PDE4D: variants seen among roughly 807,000 people sequenced by gnomAD.
PDE4D encodes phosphodiesterase 4D.
In PDE4D, 24 loss-of-function variants were observed where a neutral mutation model predicts 87.4. That is an observed-to-expected ratio of 0.27 (90% CI 0.20 to 0.39). PDE4D has a LOEUF of 0.39. PDE4D is among the 10% of genes least tolerant of loss of function. PDE4D has a pLI of 1.00. For synonymous variants in PDE4D, 384 were observed against 383.2 expected, an observed-to-expected ratio of 1.00 and a Z score of -0.02; for missense variants, 714 against 1,041.0, an observed-to-expected ratio of 0.69 and a Z score of 4.32.
intron 1 of PDE4D, among the ~76,000 whole-genome samples, chr5:60,240,320 C>T (rs1746946862): frequency 6.6e-6 from 1 of 151,988 alleles, no homozygotes; most frequent in South Asian, 2.1e-4. Context: ...ATCACACCTT[C>T]AGAAGAACCA....
intron 1 of PDE4D, among the ~76,000 whole-genome samples, chr5:60,255,436 A>C (rs543223151): frequency 1.3e-5 from 2 of 151,894 alleles, no homozygotes; most frequent in Admixed American, 1.3e-4. Context: ...GTAACTATTC[A>C]TGACTCATTT....
intron 1 of PDE4D, among the ~76,000 whole-genome samples, chr5:59,449,254 T>C (rs533269830): frequency 3.9e-5 from 6 of 152,194 alleles, no homozygotes; most frequent in Non-Finnish European, 2.9e-5. Flanking sequence ...AAGTTAGTAA[T>C]AGTCCCCCTT....
At chr5:59,228,444 A>G (rs58063862) in intron 1 of PDE4D, among the ~76,000 whole-genome samples, 9 of 146,132 alleles carry the variant, frequency 6.2e-5, no homozygotes, top group East Asian at 1.9e-4. Flanking sequence ...AACAACAAAA[A>G]AAAAAAACAA....
chr5:59,920,695 GATA>G (rs1754563425), intron 3 of PDE4D, among the ~76,000 whole-genome samples: 1 of 152,092 alleles, frequency 6.6e-6, no homozygotes, highest in South Asian at 2.1e-4. Flanking sequence ...ATCTGGAAAG[GATA>G]ATAACTTTGT....
Position 59,244,632 on chromosome 5 carries a change from A to G in PDE4D, c.456-28664T>C, listed in dbSNP as rs1252577036. Reference sequence around the variant, plus strand: ...TATACACATACATGTATGTACATTTACATATATACATATATATGTATAGAT... The same window carrying G: ...TATACACATACATGTATGTACATTTGCATATATACATATATATGTATAGAT... On this transcript the variant is annotated intron_variant, in intron 1 of 14. Coordinates refer to ENST00000340635, the MANE Select transcript of PDE4D (RefSeq NM_001104631.2). 3.4e-5 allele frequency among the ~76,000 whole-genome samples: 5 copies of G among 147,640 alleles called. No individual in the cohort carries two copies. In the East Asian group the frequency reaches 1.0e-3, roughly 29 times the overall value.
At chr5:59,632,705 G>A (rs192935721) in intron 1 of PDE4D, among the ~76,000 whole-genome samples, 21 of 152,192 alleles carry the variant, frequency 1.4e-4, no homozygotes, top group African/African-American at 4.8e-4. Flanking sequence ...CAAAAAAGAT[G>A]ACCACACAAA....
At chr5:60,237,524 C>T (rs1023463492) in intron 1 of PDE4D, among the ~76,000 whole-genome samples, 21 of 151,932 alleles carry the variant, frequency 1.4e-4, no homozygotes, top group African/African-American at 5.1e-4. Flanking sequence ...CAAAAAGTCA[C>T]ACTATATGGT....
intron 3 of PDE4D, among the ~76,000 whole-genome samples, chr5:59,985,601 C>T (rs1389909356): frequency 6.6e-6 from 1 of 152,106 alleles, no homozygotes; most frequent in African/African-American, 2.4e-5. Context: ...GTTGATTGGC[C>T]ATTATTGTCT....
At chr5:59,431,078 T>C (rs947621803) in intron 1 of PDE4D, among the ~76,000 whole-genome samples, 6 of 152,138 alleles carry the variant, frequency 3.9e-5, no homozygotes, top group African/African-American at 1.4e-4. Context: ...CTTTATTCAC[T>C]AAAACGTTGA....
intron 1 of PDE4D, among the ~76,000 whole-genome samples, chr5:60,314,355 C>T (rs749983150): frequency 4.6e-5 from 7 of 151,774 alleles, no homozygotes; most frequent in East Asian, 1.9e-4. Flanking sequence ...TTAGTAGAGA[C>T]GGGGTTTCAC....
At chr5:60,057,445 C>A (rs1770901726) in intron 2 of PDE4D, among the ~76,000 whole-genome samples, 1 of 152,030 alleles carries the variant, frequency 6.6e-6, no homozygotes, top group South Asian at 2.1e-4. Flanking sequence ...TTTCAATACT[C>A]AGCTCCAGCC....
At chr5:60,297,849 A>T (rs538045080) in intron 1 of PDE4D, among the ~76,000 whole-genome samples, 2 of 152,338 alleles carry the variant, frequency 1.3e-5, no homozygotes, top group Admixed American at 1.3e-4. Context: ...AATTTAGCAC[A>T]GCCAAAGAAG....
intron 1 of PDE4D, among the ~76,000 whole-genome samples, chr5:60,333,057 C>T (rs145039774): frequency 9.9e-5 from 15 of 152,278 alleles, no homozygotes; most frequent in African/African-American, 3.1e-4. Context: ...TAAAAGGAAA[C>T]GATGACCTTC....
chr5:59,677,914 A>G (rs781730552), intron 1 of PDE4D, among the ~76,000 whole-genome samples: 3 of 152,176 alleles, frequency 2.0e-5, no homozygotes, highest in Non-Finnish European at 4.4e-5. Flanking sequence ...GTTTATGATT[A>G]TCTCCTCCAT....
At chr5:60,205,972 A>C (rs1425465298) in intron 1 of PDE4D, among the ~76,000 whole-genome samples, 1 of 152,214 alleles carries the variant, frequency 6.6e-6, no homozygotes, top group East Asian at 1.9e-4. Context: ...AATTGGACAA[A>C]CTGCACAGTA....
chr5:59,732,460 CAAAG>C (rs1379222566), intron 1 of PDE4D, among the ~76,000 whole-genome samples: 2 of 149,170 alleles, frequency 1.3e-5, no homozygotes, highest in Non-Finnish European at 3.0e-5. Context: ...GAAGAGAAAA[CAAAG>C]AGACAGAATT....
chr5:60,158,708 C>G (rs2149457330), intron 2 of PDE4D, among the ~76,000 whole-genome samples: 1 of 152,176 alleles, frequency 6.6e-6, no homozygotes, highest in East Asian at 1.9e-4. Flanking sequence ...GACCACAGGC[C>G]CCCGCCACCA....
chr5:59,344,242 A>T (rs1779258496), intron 1 of PDE4D, among the ~76,000 whole-genome samples: 1 of 152,180 alleles, frequency 6.6e-6, no homozygotes, highest in African/African-American at 2.4e-5. Context: ...AAATACTAAA[A>T]GATGTATTGG....
At chr5:59,181,590 A>G (rs1741606609) in intron 4 of PDE4D, among the ~76,000 whole-genome samples, 1 of 134,880 alleles carries the variant, frequency 7.4e-6, no homozygotes, top group South Asian at 2.3e-4. Flanking sequence ...TAATAATTAT[A>G]TATATATTGC....
Sources: gnomAD v4.1 joint callset for allele counts (sites outside exome capture counted in the v4.1 genomes callset) on GRCh38, gnomAD v4.1.1 for gene constraint, MANE v1.5 for transcripts, NCBI Gene and HGNC (gene_info 2026-07-23, HGNC 2026-07-21) for gene names.